The following ANGEL2 variants were observed in gnomAD, a reference collection of about 807,000 sequenced individuals.
ANGEL2 encodes the protein angel homolog 2.
A neutral mutation model predicts 66.0 loss-of-function variants in ANGEL2; 41 were observed. The ratio of observed to expected loss-of-function variants is 0.62; its 90% CI spans 0.48 to 0.81. The LOEUF (loss-of-function observed/expected upper bound fraction) is 0.81, where lower values mean the gene tolerates loss of function less well. Ranked by LOEUF, ANGEL2 falls within the 30% of genes least tolerant of loss-of-function variation. The probability of loss-of-function intolerance (pLI) is 0.00; values close to 1 mark genes in which losing one functional copy is unlikely to be tolerated. For missense variants in ANGEL2, 561 were observed against 641.6 expected (o/e 0.87, Z 1.36); for synonymous variants, 208 against 226.5 (o/e 0.92, Z 0.73).
At position 213,013,360 on chromosome 1, in the gene ANGEL2, C is replaced by T; in HGVS notation, c.118G>A (p.Glu40Lys). ...TTCCAGCAACACCTTTGCAGATTCT[C>T]CCACGGTGTAGTCCAGTCTCTGCCC... ...SLGRDWTTPWENLQRCCWNRH... is the reference protein window; with the variant it reads ...SLGRDWTTPWKNLQRCCWNRH... The change falls in exon 2 of 9, where the codon GAG becomes AAG. Residue 40 changes from glutamate to lysine, a missense_variant. By Grantham distance (56) the Glu-to-Lys change is moderately conservative. Transcript: ENST00000366962. 6.2e-7 allele frequency: 1 copy of T among 1,614,150 alleles called. No homozygotes were observed. Among genetic ancestry groups the T allele is most frequent in the South Asian group, 1.1e-5 (1 of 91,082 alleles).
intron 1 of ANGEL2, chr1:213,015,207 C>A: frequency 9.6e-7 from 1 of 1,045,422 alleles, no homozygotes; most frequent in Middle Eastern, 4.5e-4. Context: ...TCCAAGGGAT[C>A]AGGCCCGCCG....
In ANGEL2 at chr1:213,000,869, G is replaced by T; in HGVS notation, c.1178C>A (p.Ser393Tyr). The change falls in exon 6 of 9, where the codon TCT becomes TAT. Residue 393 changes from serine to tyrosine, a missense_variant. Ser to Tyr is a moderately radical substitution (Grantham distance 144). Transcript: ENST00000366962. ...TAGGTTTGGGGGCCAAATTGGAATA[G>T]ATAAAATTCTTTGTCCCCGTGAAGA... ...EQSSRGQRIL[S>Y]IPIWPPNLGI... 6.2e-7 allele frequency: 1 copy of T among 1,612,854 alleles called. No homozygotes were observed. Among genetic ancestry groups the T allele is most frequent in the Non-Finnish European group, 8.5e-7 (1 of 1,179,812 alleles).
intron 8 of ANGEL2, 133 bp downstream of exon 8, chr1:212,997,022 G>T: frequency 1.3e-6 from 1 of 795,246 alleles, no homozygotes; most frequent in South Asian, 2.3e-5. Context: ...TTACCAATCT[G>T]TCTATTTCGA....
chr1:212,995,517 G>C (rs2148127039), intron 8 of ANGEL2, among the ~76,000 whole-genome samples: 1 of 152,346 alleles, frequency 6.6e-6, no homozygotes, highest in East Asian at 1.9e-4. Flanking sequence ...CCATTCTGTA[G>C]TTGCATAAAG....
chr1:213,015,201 A>T (rs2076609640), intron 1 of ANGEL2: 1 of 1,036,238 alleles, frequency 9.7e-7, no homozygotes, highest in African/African-American at 1.7e-5. Context: ...CGCGCCTCCA[A>T]GGGATCAGGC....
rs145994344 is a variant in ANGEL2, at chr1:213,013,240, G to A, written c.238C>T (p.Pro80Ser). Reference protein sequence around the residue: ...SSRHFSLNWRPPCLFESRTQF... With the variant: ...SSRHFSLNWRSPCLFESRTQF... ...GTTCTAGACTCAAACAAACAGGGTG[G>A]TCTCCAATTTAGTGAAAAATGCCTA... is the stretch of plus-strand genomic sequence containing the variant. Residue 80 changes from proline (P) to serine (S), a missense_variant, in exon 2 of 9, where the codon CCA (proline) becomes TCA (serine). Physicochemically the swap from Pro to Ser is moderately conservative, Grantham distance 74. Transcript: ENST00000366962. 1.7e-4 allele frequency: 273 copies of A among 1,614,124 alleles called. No individual in the cohort carries two copies. The highest frequency in any genetic ancestry group is 1.4e-3 in the South Asian group (123 of 91,070).
intron 2 of ANGEL2, among the ~76,000 whole-genome samples, chr1:213,012,789 T>C (rs1304074966): frequency 6.6e-6 from 1 of 152,232 alleles, no homozygotes; most frequent in Non-Finnish European, 1.5e-5. Context: ...TTCAAAAACA[T>C]TGGATTTAAA....
intron 1 of ANGEL2, 109 bp from the exon 2 acceptor site, chr1:213,013,527 G>C: frequency 9.6e-7 from 1 of 1,044,806 alleles, no homozygotes. Context: ...TTTAAAATCT[G>C]GCTGCTAAAT....
At chr1:212,996,854 G>T (rs1357595556) in intron 8 of ANGEL2, among the ~76,000 whole-genome samples, 3 of 151,576 alleles carry the variant, frequency 2.0e-5, no homozygotes, top group Admixed American at 2.0e-4. Flanking sequence ...TAAATTTATG[G>T]CAAGCAAAAA....
At chr1:213,005,710 G>GGCAATAGTAAA (rs1321135232) in intron 4 of ANGEL2, among the ~76,000 whole-genome samples, 5 of 152,120 alleles carry the variant, frequency 3.3e-5, no homozygotes, top group African/African-American at 1.2e-4. Flanking sequence ...ACTTAGTCAT[G>GGCAATAGTAAA]GCAATAGTAA....
At chr1:213,004,666 G>A (rs3010786) in intron 5 of ANGEL2, among the ~76,000 whole-genome samples, 10,736 of 151,702 alleles carry the variant, frequency 0.071, 551 homozygotes, top group Non-Finnish European at 0.11. Context: ...TAAGGAGTTC[G>A]AGACCAGCCT....
rs201831288 is a variant in ANGEL2, at chr1:213,005,209, T to C, written c.958A>G (p.Ile320Val). 127 of 1,614,144 alleles carry C rather than the reference T, an allele frequency of 7.9e-5. No homozygotes were observed. The Admixed American group carries it at 2.1e-3, about 26-fold the overall frequency. Reference protein sequence around the residue: ...HLLYNPRRGDIKLTQLAMLLA... With the variant: ...HLLYNPRRGDVKLTQLAMLLA... ...AGCATTGCCAATTGCGTCAGCTTAA[T>C]ATCACCTCGCCTTGGATTATACAAC... is the stretch of plus-strand genomic sequence containing the variant. Residue 320 changes from isoleucine to valine, a missense_variant, in exon 5 of 9, where the codon ATT (isoleucine) becomes GTT (valine). Ile to Val is a conservative substitution (Grantham distance 29). Transcript: ENST00000366962.
rs151245232 is a variant in ANGEL2 at position 213,008,280 on chromosome 1, C to T, written c.572G>A (p.Arg191Gln). The T allele has an allele frequency of 1.5e-5, 24 of 1,613,836 alleles. No homozygotes were observed. Among genetic ancestry groups the T allele is most frequent in the African/African-American group, 4.0e-5 (3 of 74,916 alleles). Residue 191 changes from arginine (R) to glutamine (Q), a missense_variant, in exon 3 of 9, where the codon CGG becomes CAG. Arg to Gln is a conservative substitution (Grantham distance 43, BLOSUM62 1). Coordinates refer to ENST00000366962, the MANE Select transcript of ANGEL2 (RefSeq NM_144567.5). ...AAAACTCCAGTGTAATACTGGCCGCCGGCAATGTCTATAAAGGTGAGAGTT... is the reference window on the plus strand; with the variant it reads ...AAAACTCCAGTGTAATACTGGCCGCTGGCAATGTCTATAAAGGTGAGAGTT... Reference protein sequence around the residue: ...EDNSHLYRHCRRPVLHWSFRF... With the variant: ...EDNSHLYRHCQRPVLHWSFRF...
rs2075915899 is a variant in ANGEL2, at chr1:212,993,532, CT to C, written c.*1508del. ...TGAAGCATTCTATTAATAAAACTCA[CT>C]GTAAAAACATTTACAATTCAGTGTA... On this transcript the variant is annotated 3_prime_UTR_variant, in exon 9 of 9. Coordinates refer to ENST00000366962, the MANE Select transcript of ANGEL2 (RefSeq NM_144567.5). 1 of 152,158 alleles carries C rather than the reference CT, an allele frequency of 6.6e-6. No homozygotes were observed. The allele number at this position is 152,158 out of a possible 1,614,324, so 9.4% of individuals were successfully genotyped here.
chr1:213,001,773 A>G (rs7537285), intron 5 of ANGEL2: 3 of 152,124 alleles, frequency 2.0e-5, no homozygotes. Context: ...CAGCATCTTC[A>G]CCAGGAATAG....
intron 4 of ANGEL2, among the ~76,000 whole-genome samples, chr1:213,005,900 T>C (rs1464039336): frequency 6.6e-6 from 1 of 152,156 alleles, no homozygotes; most frequent in Non-Finnish European, 1.5e-5. Flanking sequence ...AGGCATCGCT[T>C]ATTCCTTCAC....
At chr1:212,996,238 C>T (rs1025435625) in intron 8 of ANGEL2, among the ~76,000 whole-genome samples, 11 of 152,052 alleles carry the variant, frequency 7.2e-5, no homozygotes, top group Non-Finnish European at 8.8e-5. Flanking sequence ...ACCTGGGAGG[C>T]GGAGCTTGCA....
intron 5 of ANGEL2, among the ~76,000 whole-genome samples, chr1:213,003,886 G>C (rs951083312): frequency 6.6e-6 from 1 of 152,130 alleles, no homozygotes; most frequent in Non-Finnish European, 1.5e-5. Context: ...TGTACTAAGA[G>C]AGATTAACTC....
chr1:213,000,728 G>T (rs2076154337), intron 6 of ANGEL2, 58 bp downstream of exon 6: 1 of 1,521,380 alleles, frequency 6.6e-7, no homozygotes, highest in South Asian at 1.3e-5. Context: ...TTAGTTTTAT[G>T]TCTTCAAAGG....
Sources: gnomAD v4.1 joint callset for allele counts (sites outside exome capture counted in the v4.1 genomes callset) on GRCh38, gnomAD v4.1.1 for gene constraint, MANE v1.5 for transcripts, NCBI Gene and HGNC (gene_info 2026-07-23, HGNC 2026-07-21) for gene names.